The following PTPRT variants were observed in gnomAD, a reference collection of about 807,000 sequenced individuals.
PTPRT encodes receptor-type tyrosine-protein phosphatase T.
In PTPRT, 56 loss-of-function variants were observed where a neutral mutation model predicts 176.8. That is an observed-to-expected ratio of 0.32 (90% CI 0.26 to 0.40). The LOEUF is 0.40. Among genes scored for constraint, PTPRT ranks in the 10% least tolerant of loss-of-function variants. The pLI, the probability that PTPRT is intolerant of heterozygous loss-of-function variation, is 1.00. For synonymous variants in PTPRT, 783 were observed against 739.0 expected (o/e 1.06, Z -0.96); for missense variants, 1,540 against 1,908.2 (o/e 0.81, Z 3.60).
At chr20:43,133,641 G>A (rs369948712) in intron 1 of PTPRT, among the ~76,000 whole-genome samples, 67 of 152,044 alleles carry the variant, frequency 4.4e-4, no homozygotes, top group African/African-American at 1.2e-3. Flanking sequence ...CCAGCTACCC[G>A]GGAGGCTGAG....
chr20:42,998,062 TA>T (rs1984327536), intron 1 of PTPRT, among the ~76,000 whole-genome samples: 1 of 152,168 alleles, frequency 6.6e-6, no homozygotes, highest in South Asian at 2.1e-4. Context: ...TCTTTTCCTT[TA>T]AGCTAAGTAC....
chr20:42,294,233 A>G (rs901026639), intron 12 of PTPRT, among the ~76,000 whole-genome samples: 1 of 152,186 alleles, frequency 6.6e-6, no homozygotes, highest in Non-Finnish European at 1.5e-5. Context: ...CACACTACAC[A>G]TGAAAGTGCT....
At chr20:42,733,954 G>T (rs780594797) in intron 6 of PTPRT, among the ~76,000 whole-genome samples, 1 of 152,198 alleles carries the variant, frequency 6.6e-6, no homozygotes, top group African/African-American at 2.4e-5. Flanking sequence ...GAGGTCCTAT[G>T]GTCAGCTCAG....
At chr20:42,950,284 T>C (rs1351598856) in intron 1 of PTPRT, among the ~76,000 whole-genome samples, 1 of 152,230 alleles carries the variant, frequency 6.6e-6, no homozygotes, top group African/African-American at 2.4e-5. Context: ...ACAGAAGCAC[T>C]GTAGTAAAGT....
intron 1 of PTPRT, among the ~76,000 whole-genome samples, chr20:42,930,015 T>G (rs968449361): frequency 2.0e-5 from 3 of 152,218 alleles, no homozygotes; most frequent in African/African-American, 7.2e-5. Context: ...GACGCCTGGC[T>G]GTAGGCGGCT....
chr20:42,287,613 T>G (rs986793648), intron 12 of PTPRT, among the ~76,000 whole-genome samples: 1 of 151,908 alleles, frequency 6.6e-6, no homozygotes, highest in Admixed American at 6.6e-5. Flanking sequence ...TGTTGAAGGA[T>G]ACAAGATTAT....
At chr20:42,287,045 C>T (rs1255962563) in intron 12 of PTPRT, among the ~76,000 whole-genome samples, 1 of 151,952 alleles carries the variant, frequency 6.6e-6, no homozygotes, top group Non-Finnish European at 1.5e-5. Flanking sequence ...AATGAGGTAT[C>T]ATCTCACCCT....
At chr20:43,133,760 A>G (rs973168890) in intron 1 of PTPRT, among the ~76,000 whole-genome samples, 10 of 152,002 alleles carry the variant, frequency 6.6e-5, no homozygotes, top group Admixed American at 2.0e-4. Context: ...AAAAAAAAAA[A>G]AAAAATAGTA....
At chr20:42,287,979 G>C (rs889968905) in intron 12 of PTPRT, among the ~76,000 whole-genome samples, 6 of 151,876 alleles carry the variant, frequency 4.0e-5, no homozygotes, top group African/African-American at 1.4e-4. Flanking sequence ...ATACACATAA[G>C]AGAATATTAA....
chr20:42,198,888 A>C (rs546750706), intron 16 of PTPRT, among the ~76,000 whole-genome samples: 28 of 152,278 alleles, frequency 1.8e-4, no homozygotes, highest in African/African-American at 6.5e-4. Flanking sequence ...GAAAATCTTA[A>C]GCCACTCAAT....
chr20:42,318,752 C>T (rs1190164726), intron 11 of PTPRT, among the ~76,000 whole-genome samples: 3 of 152,110 alleles, frequency 2.0e-5, no homozygotes, highest in Non-Finnish European at 4.4e-5. Context: ...CATAACAAGG[C>T]CTTTGTCTTG....
chr20:42,925,210 A>C (rs1810251046), intron 1 of PTPRT, among the ~76,000 whole-genome samples: 1 of 152,198 alleles, frequency 6.6e-6, no homozygotes, highest in African/African-American at 2.4e-5. Flanking sequence ...ACCTGTACTA[A>C]TATTTAGTTA....
chr20:42,966,274 T>A (rs1280182738), intron 1 of PTPRT: 1 of 152,240 alleles, frequency 6.6e-6, no homozygotes, highest in Admixed American at 6.5e-5. Flanking sequence ...TATTATACCA[T>A]TTTTATTTTA....
intron 1 of PTPRT, among the ~76,000 whole-genome samples, chr20:42,892,307 C>A (rs1277835235): frequency 6.6e-6 from 1 of 152,056 alleles, no homozygotes; most frequent in Non-Finnish European, 1.5e-5. Context: ...TCAAACTCAC[C>A]CACATGAAGG....
At chr20:42,591,722 G>A (rs1378975325) in intron 7 of PTPRT, among the ~76,000 whole-genome samples, 1 of 152,134 alleles carries the variant, frequency 6.6e-6, no homozygotes, top group South Asian at 2.1e-4. Context: ...TTGTTCTATG[G>A]ATCTCACTGT....
chr20:42,705,678 T>C (rs892775340), intron 6 of PTPRT, among the ~76,000 whole-genome samples: 1 of 152,110 alleles, frequency 6.6e-6, no homozygotes, highest in African/African-American at 2.4e-5. Context: ...GCTCTCAGAC[T>C]TGCAAAGCAC....
intron 16 of PTPRT, among the ~76,000 whole-genome samples, chr20:42,161,789 C>T (rs1989613309): frequency 6.6e-6 from 1 of 152,150 alleles, no homozygotes; most frequent in South Asian, 2.1e-4. Context: ...TGATAAAGTT[C>T]CAGGTTGTTC....
At chr20:42,988,997 A>G (rs1983748367) in intron 1 of PTPRT, among the ~76,000 whole-genome samples, 1 of 152,248 alleles carries the variant, frequency 6.6e-6, no homozygotes, top group Non-Finnish European at 1.5e-5. Flanking sequence ...ATCCTTTATC[A>G]TAAGGTCTCA....
intron 12 of PTPRT, among the ~76,000 whole-genome samples, chr20:42,313,416 A>C (rs986624651): frequency 6.6e-6 from 1 of 152,040 alleles, no homozygotes; most frequent in African/African-American, 2.4e-5. Flanking sequence ...TGGAGTCTGG[A>C]TCAGGACCCC....
Sources: gnomAD v4.1 joint callset for allele counts (sites outside exome capture counted in the v4.1 genomes callset) on GRCh38, gnomAD v4.1.1 for gene constraint, MANE v1.5 for transcripts, NCBI Gene and HGNC (gene_info 2026-07-23, HGNC 2026-07-21) for gene names.